PHKB: variants seen among roughly 807,000 people sequenced by gnomAD.
PHKB encodes the protein phosphorylase b kinase regulatory subunit beta.
PHKB carries 122 observed loss-of-function variants against 152.1 expected under a neutral mutation model. The observed-to-expected ratio is 0.80, with a 90% CI of 0.69 to 0.93. The LOEUF (loss-of-function observed/expected upper bound fraction) is 0.93, where lower values mean the gene tolerates loss of function less well. PHKB is among the 40% of genes least tolerant of loss of function. PHKB has a pLI of 0.00. For missense variants in PHKB, 1,304 were observed against 1,328.4 expected (o/e 0.98, Z 0.29); for synonymous variants, 436 against 464.9 (o/e 0.94, Z 0.80).
chr16:47,621,672 T>C (rs1049414568), intron 14 of PHKB, among the ~76,000 whole-genome samples: 1 of 152,136 alleles, frequency 6.6e-6, no homozygotes, highest in African/African-American at 2.4e-5. Flanking sequence ...GGGAGTGAAT[T>C]TGAGTACTGA....
At chr16:47,504,335 G>T (rs1297139479) in intron 4 of PHKB, among the ~76,000 whole-genome samples, 2 of 152,194 alleles carry the variant, frequency 1.3e-5, no homozygotes, top group Non-Finnish European at 2.9e-5. Context: ...GTTAGTGGTT[G>T]GTCATGTGGG....
chr16:47,640,290 A>G (rs1972994631), intron 14 of PHKB, among the ~76,000 whole-genome samples: 1 of 152,224 alleles, frequency 6.6e-6, no homozygotes, highest in South Asian at 2.1e-4. Flanking sequence ...CAGTATTTTC[A>G]GAGCTCCCTA....
chr16:47,501,985 G>A (rs138266642), intron 3 of PHKB, among the ~76,000 whole-genome samples: 1 of 152,082 alleles, frequency 6.6e-6, no homozygotes, highest in Non-Finnish European at 1.5e-5. Context: ...TGAAAAAGAA[G>A]GTATGATGTG....
At chr16:47,481,921 A>C (rs768549359) in intron 1 of PHKB, among the ~76,000 whole-genome samples, 5 of 152,136 alleles carry the variant, frequency 3.3e-5, no homozygotes, top group Non-Finnish European at 7.4e-5. Context: ...CCTTTTAGCT[A>C]TGAAGACCTT....
At chr16:47,473,973 C>G (rs1431392849) in intron 1 of PHKB, among the ~76,000 whole-genome samples, 1 of 152,170 alleles carries the variant, frequency 6.6e-6, no homozygotes, top group Admixed American at 6.5e-5. Flanking sequence ...CTTTTGCCTC[C>G]TATCTAACTG....
chr16:47,546,400 G>A (rs1971165259), intron 6 of PHKB, among the ~76,000 whole-genome samples: 2 of 152,114 alleles, frequency 1.3e-5, no homozygotes, highest in South Asian at 2.1e-4. Context: ...CTGTTTCCCT[G>A]GGTATCACCA....
Position 47,495,813 on chromosome 16 carries a change from T to A in PHKB, c.77-1586T>A, listed in dbSNP as rs1298884190. Among the ~76,000 whole-genome samples the A allele has an allele frequency of 2.6e-5, 4 of 152,322 alleles. No individual in the cohort carries two copies. In the East Asian group the frequency reaches 7.7e-4, roughly 29 times the overall value. On this transcript the variant is annotated intron_variant, in intron 1 of 30. Transcript: ENST00000323584. ...AAGCAGGAAAGGAGTACTGATGTTC[T>A]GTATGTTGATAGGTCTCTCCGTTCC...
intron 16 of PHKB, among the ~76,000 whole-genome samples, chr16:47,647,467 A>G (rs1395316962): frequency 6.6e-6 from 1 of 151,750 alleles, no homozygotes; most frequent in Non-Finnish European, 1.5e-5. Flanking sequence ...TCAACATTGA[A>G]ATGTACAGAA....
rs1972414466 is a variant in PHKB at position 47,610,852 on chromosome 16, A to G, written c.1390A>G (p.Ile464Val). ...TGATGAACTTATTAGTCCTAAAGAC[A>G]TTGATCCTGTCCAGCGCTATGTCCC... ...LADELISPKDIDPVQRYVPLK... is the reference protein window; with the variant it reads ...LADELISPKDVDPVQRYVPLK... The change falls in exon 14 of 31, where the codon ATT (isoleucine) becomes GTT (valine). Residue 464 changes from isoleucine to valine, a missense_variant. By Grantham distance (29) the Ile-to-Val change is conservative. Coordinates refer to ENST00000323584, the MANE Select transcript of PHKB (RefSeq NM_000293.3). The G allele has an allele frequency of 6.2e-7, 1 of 1,608,112 alleles. No individual in the cohort carries two copies. Among genetic ancestry groups the G allele is most frequent in the African/African-American group, 1.3e-5 (1 of 74,836 alleles).
intron 1 of PHKB, among the ~76,000 whole-genome samples, chr16:47,474,873 C>T (rs1031046725): frequency 2.6e-5 from 4 of 152,038 alleles, no homozygotes; most frequent in South Asian, 2.1e-4. Flanking sequence ...TACAGGCATG[C>T]GCCACCATGC....
intron 14 of PHKB, among the ~76,000 whole-genome samples, chr16:47,637,123 C>T (rs903095146): frequency 7.9e-5 from 12 of 152,262 alleles, no homozygotes; most frequent in East Asian, 1.9e-4. Flanking sequence ...GCTCCCACTG[C>T]GGGTCTCCTC....
chr16:47,618,947 C>T (rs1256808752), intron 14 of PHKB, among the ~76,000 whole-genome samples: 2 of 152,174 alleles, frequency 1.3e-5, no homozygotes, highest in East Asian at 1.9e-4. Flanking sequence ...ATGTGTCTTA[C>T]TCTTGCCTTC....
chr16:47,617,239 A>C (rs1972534962), intron 14 of PHKB, among the ~76,000 whole-genome samples: 1 of 147,986 alleles, frequency 6.8e-6, no homozygotes, highest in African/African-American at 2.4e-5. Flanking sequence ...ATGTATATAA[A>C]ATATATAATA....
At chr16:47,558,952 G>T (rs775410859) in intron 7 of PHKB, among the ~76,000 whole-genome samples, 1 of 152,150 alleles carries the variant, frequency 6.6e-6, no homozygotes, top group South Asian at 2.1e-4. Flanking sequence ...GCTACATTGT[G>T]TTTCTAAGTA....
At chr16:47,547,891 A>G (rs1021367246) in intron 7 of PHKB, 3 of 314,180 alleles carry the variant, frequency 9.5e-6, no homozygotes, top group African/African-American at 2.2e-5. Flanking sequence ...TGTCAAGTAC[A>G]TTAAAATTTT....
chr16:47,478,784 G>A lies in PHKB; in HGVS notation c.76+17358G>A, dbSNP rs141041474. On this transcript the variant is annotated intron_variant, in intron 1 of 30. Coordinates refer to ENST00000323584, the MANE Select transcript of PHKB (RefSeq NM_000293.3). ...ATTCTTAACCTTTTTGAGCTCTTTG[G>A]TTAAAATTAAATTTATGTGTTTATA... is the stretch of plus-strand genomic sequence containing the variant. Among the ~76,000 whole-genome samples, 1,265 of 152,146 alleles carry A rather than the reference G, an allele frequency of 8.3e-3. 10 individuals carry two copies. Among genetic ancestry groups the A allele is most frequent in the Non-Finnish European group, 0.013 (906 of 68,004 alleles).
chr16:47,564,495 G>T (rs999832053), intron 7 of PHKB, among the ~76,000 whole-genome samples: 1 of 151,830 alleles, frequency 6.6e-6, no homozygotes, highest in Non-Finnish European at 1.5e-5. Flanking sequence ...GTCTGCTCTT[G>T]TCGTTTGCCC....
At chr16:47,625,145 T>G (rs546382224) in intron 14 of PHKB, among the ~76,000 whole-genome samples, 1 of 152,272 alleles carries the variant, frequency 6.6e-6, no homozygotes, top group South Asian at 2.1e-4. Context: ...GTCACCATTA[T>G]CTCTCAACTG....
chr16:47,671,875 G>A (rs1022911948), intron 26 of PHKB, among the ~76,000 whole-genome samples: 17 of 152,164 alleles, frequency 1.1e-4, no homozygotes, highest in African/African-American at 3.6e-4. Flanking sequence ...ACAAGATAAA[G>A]TCCTATATAC....
Sources: allele counts gnomAD v4.1 joint callset (sites outside exome capture counted in the v4.1 genomes callset), GRCh38; gene constraint gnomAD v4.1.1; transcripts MANE v1.5; gene names NCBI Gene and HGNC (gene_info 2026-07-23, HGNC 2026-07-21).